Variants in CSMD3 observed in about 807,000 individuals in gnomAD.
CSMD3 encodes the protein CUB and Sushi multiple domains 3, also known as CUB and sushi domain-containing protein 3.
CSMD3 carries 177 observed loss-of-function variants against 435.2 expected under a neutral mutation model. That is an observed-to-expected ratio of 0.41 (90% CI 0.36 to 0.46). CSMD3 has a LOEUF of 0.46. CSMD3 is among the 20% of genes least tolerant of loss of function. CSMD3 has a pLI of 0.34. For missense variants in CSMD3, 4,265 were observed against 4,504.6 expected (o/e 0.95, Z 1.52); for synonymous variants, 1,656 against 1,520.5 (o/e 1.09, Z -2.07).
At position 112,517,140 on chromosome 8, in the gene CSMD3, A is replaced by C; in HGVS notation, c.4650T>G (p.Val1550=). 1 of 1,613,702 alleles carries C rather than the reference A, an allele frequency of 6.2e-7. No homozygotes were observed. The highest frequency in any genetic ancestry group is 2.2e-5 in the East Asian group (1 of 44,856). The change falls in exon 28 of 71, where the codon GTT becomes GTG. Residue 1550 remains valine (V), a synonymous_variant. Transcript: ENST00000297405. ...NGDGREPGDT[V]VFQCDPGYEL... ...CATATCCTGGGTCACATTGAAAAACAACAGTGTCCCCAGGTTCTCTTCCAT... is the reference window on the plus strand; with the variant it reads ...CATATCCTGGGTCACATTGAAAAACCACAGTGTCCCCAGGTTCTCTTCCAT...
intron 1 of CSMD3, among the ~76,000 whole-genome samples, chr8:113,348,955 C>A (rs866447845): frequency 6.6e-6 from 1 of 151,876 alleles, no homozygotes; most frequent in Non-Finnish European, 1.5e-5. Flanking sequence ...ATTAATTTTA[C>A]GTACTGAATA....
intron 52 of CSMD3, among the ~76,000 whole-genome samples, chr8:112,302,213 ATTTTT>A (rs34697524): frequency 1.5e-5 from 2 of 135,084 alleles, no homozygotes; most frequent in Non-Finnish European, 3.2e-5. Context: ...TTTTTTTTTC[ATTTTT>A]TTTTTTTTTG....
intron 1 of CSMD3, among the ~76,000 whole-genome samples, chr8:113,393,249 ACC>A (rs2094469275): frequency 6.6e-6 from 1 of 152,020 alleles, no homozygotes; most frequent in Non-Finnish European, 1.5e-5. Context: ...ATTTTTGGCA[ACC>A]AACATTTTGA....
intron 10 of CSMD3, among the ~76,000 whole-genome samples, chr8:112,912,779 C>T (rs544247107): frequency 6.6e-6 from 1 of 151,862 alleles, no homozygotes; most frequent in South Asian, 2.1e-4. Flanking sequence ...GAAGAGACAA[C>T]ATATGAAGTG....
intron 3 of CSMD3, among the ~76,000 whole-genome samples, chr8:113,195,189 C>T (rs922616023): frequency 1.3e-5 from 2 of 148,490 alleles, no homozygotes; most frequent in African/African-American, 4.9e-5. Flanking sequence ...CTACTGAAAA[C>T]GATTTCCCAT....
chr8:112,952,422 A>T (rs2083853165), intron 8 of CSMD3, among the ~76,000 whole-genome samples: 3 of 151,660 alleles, frequency 2.0e-5, no homozygotes, highest in African/African-American at 7.2e-5. Context: ...GACGAATGTC[A>T]GATAAAAACT....
intron 6 of CSMD3, among the ~76,000 whole-genome samples, chr8:113,003,996 G>T (rs1037596221): frequency 2.6e-5 from 4 of 151,996 alleles, no homozygotes; most frequent in African/African-American, 9.7e-5. Flanking sequence ...ACTACTGTCA[G>T]AAATAAATTG....
intron 5 of CSMD3, among the ~76,000 whole-genome samples, chr8:113,042,999 A>T (rs1226591121): frequency 6.6e-6 from 1 of 152,196 alleles, no homozygotes; most frequent in Non-Finnish European, 1.5e-5. Flanking sequence ...CTTAGACCAG[A>T]TCCTCAACAT....
Position 112,970,729 on chromosome 8 carries a change from T to TC in CSMD3, c.1342+5107_1342+5108insG, listed in dbSNP as rs1342058647. On this transcript the variant is annotated intron_variant, in intron 7 of 70. Coordinates refer to ENST00000297405, the MANE Select transcript of CSMD3 (RefSeq NM_198123.2). ...TAATTCAGCTTGCTTTCTTTTCTTT[T>TC]TTTTTTTTTTTATATGGAGCCTCTC... is the stretch of plus-strand genomic sequence containing the variant. 6.6e-3 allele frequency among the ~76,000 whole-genome samples: 1,002 copies of TC among 151,292 alleles called. 10 individuals carry two copies. The highest frequency in any genetic ancestry group is 0.023 in the African/African-American group (960 of 41,396).
chr8:113,103,558 T>C (rs1457567866), intron 4 of CSMD3, among the ~76,000 whole-genome samples: 2 of 152,094 alleles, frequency 1.3e-5, no homozygotes, highest in African/African-American at 2.4e-5. Context: ...TTGGATTTAT[T>C]CCAATTTTCA....
At chr8:112,340,524 T>C (rs1262096900) in intron 42 of CSMD3, among the ~76,000 whole-genome samples, 1 of 152,116 alleles carries the variant, frequency 6.6e-6, no homozygotes, top group Non-Finnish European at 1.5e-5. Context: ...AACAACCCAA[T>C]TGCCTGTTCT....
chr8:112,928,385 G>A (rs899380577), intron 9 of CSMD3, among the ~76,000 whole-genome samples: 2 of 152,026 alleles, frequency 1.3e-5, no homozygotes, highest in African/African-American at 4.8e-5. Flanking sequence ...AGTCCTTTTC[G>A]TTAACCTCCA....
At chr8:112,692,422 A>G (rs1189539713) in intron 13 of CSMD3, among the ~76,000 whole-genome samples, 1 of 152,092 alleles carries the variant, frequency 6.6e-6, no homozygotes, top group African/African-American at 2.4e-5. Flanking sequence ...GCTGCTTTCT[A>G]ATGTTGTTTC....
chr8:112,677,632 A>G (rs996814619), intron 16 of CSMD3, among the ~76,000 whole-genome samples: 97 of 151,808 alleles, frequency 6.4e-4, no homozygotes, highest in African/African-American at 2.3e-3. Flanking sequence ...TATTGCAGAG[A>G]GTACTTTGAA....
chr8:113,284,133 T>C (rs2093630114), intron 2 of CSMD3, among the ~76,000 whole-genome samples: 1 of 152,006 alleles, frequency 6.6e-6, no homozygotes, highest in Non-Finnish European at 1.5e-5. Context: ...TAGTACAGTA[T>C]ATACTGCTTA....
chr8:112,410,702 GTATATATATATATGTATATA>G (rs1811228723), intron 32 of CSMD3, among the ~76,000 whole-genome samples: 7 of 110,500 alleles, frequency 6.3e-5, no homozygotes, highest in Admixed American at 3.9e-4. Context: ...ATATATATGT[GTATATATATATATGTATATA>G]TATAGGAAAG....
At chr8:112,384,877 T>A (rs1807333941) in intron 36 of CSMD3, among the ~76,000 whole-genome samples, 1 of 152,190 alleles carries the variant, frequency 6.6e-6, no homozygotes, top group African/African-American at 2.4e-5. Flanking sequence ...TCCCTTTCCT[T>A]CAATTCAGAG....
chr8:112,370,950 A>G (rs1828337373), intron 38 of CSMD3, among the ~76,000 whole-genome samples: 1 of 152,166 alleles, frequency 6.6e-6, no homozygotes, highest in African/African-American at 2.4e-5. Flanking sequence ...GTAAAAAGGA[A>G]ATGATACCAG....
intron 1 of CSMD3, among the ~76,000 whole-genome samples, chr8:113,401,046 C>A (rs747703756): frequency 7.3e-5 from 11 of 151,334 alleles, no homozygotes; most frequent in Admixed American, 1.3e-4. Flanking sequence ...ATAATGTTAC[C>A]CTAACCATTT....
Sources: gnomAD v4.1 joint callset for allele counts (sites outside exome capture counted in the v4.1 genomes callset) on GRCh38, gnomAD v4.1.1 for gene constraint, MANE v1.5 for transcripts, NCBI Gene and HGNC (gene_info 2026-07-23, HGNC 2026-07-21) for gene names.